OR10J1: variants seen among roughly 807,000 people sequenced by gnomAD.
OR10J1 encodes the protein olfactory receptor 10J1.
For synonymous variants in OR10J1, 202 were observed against 143.8 expected, an observed-to-expected ratio of 1.40 and a Z score of -2.89; for missense variants, 474 against 376.6, an observed-to-expected ratio of 1.26 and a Z score of -2.14.
chr1:159,421,353 TC>T, the OR10J1 span, among the ~76,000 whole-genome samples: 3 of 152,202 alleles, frequency 2.0e-5, no homozygotes, highest in African/African-American at 7.2e-5. Context: ...TCACTGAGAT[TC>T]TTGAGTATCA....
the OR10J1 span, chr1:159,406,052 C>A: frequency 2.4e-6 from 1 of 423,202 alleles, no homozygotes; most frequent in South Asian, 2.1e-5. Context: ...TGCCAAAAGT[C>A]ACATAGAAGA....
chr1:159,421,469 T>C, the OR10J1 span, among the ~76,000 whole-genome samples: 2 of 152,224 alleles, frequency 1.3e-5, no homozygotes, highest in South Asian at 4.1e-4. Flanking sequence ...AATTTCATGT[T>C]TCCTGTGTTC....
chr1:159,420,350 C>A, the OR10J1 span, among the ~76,000 whole-genome samples: 2 of 152,076 alleles, frequency 1.3e-5, no homozygotes, highest in East Asian at 3.9e-4. Flanking sequence ...AGGGCATATT[C>A]CTGTAATTTT....
At chr1:159,416,959 G>A in the OR10J1 span, among the ~76,000 whole-genome samples, 4 of 151,564 alleles carry the variant, frequency 2.6e-5, no homozygotes, top group Non-Finnish European at 4.4e-5. Flanking sequence ...ATTTATTTGG[G>A]TCTTCTCTCT....
chr1:159,399,196 T>A, the OR10J1 span, among the ~76,000 whole-genome samples: 8 of 151,534 alleles, frequency 5.3e-5, no homozygotes, highest in African/African-American at 1.9e-4. Flanking sequence ...CCAGCAAAAA[T>A]ATCCTTGAAA....
chr1:159,425,470 T>C, the OR10J1 span, among the ~76,000 whole-genome samples: 1 of 152,122 alleles, frequency 6.6e-6, no homozygotes, highest in Admixed American at 6.5e-5. Flanking sequence ...GATTATCTCA[T>C]GTATTTGACT....
chr1:159,399,375 T>C, the OR10J1 span, among the ~76,000 whole-genome samples: 6 of 151,862 alleles, frequency 4.0e-5, no homozygotes, highest in African/African-American at 1.4e-4. Context: ...ATTGAGACCA[T>C]CCTGGCTAAC....
the OR10J1 span, among the ~76,000 whole-genome samples, chr1:159,399,512 A>C: frequency 7.0e-6 from 1 of 143,320 alleles, no homozygotes; most frequent in Non-Finnish European, 1.5e-5. Context: ...TGGAGCTTGC[A>C]GTGAGCAGAG....
the OR10J1 span, among the ~76,000 whole-genome samples, chr1:159,427,197 G>A: frequency 3.3e-5 from 5 of 151,546 alleles, no homozygotes; most frequent in African/African-American, 1.2e-4. Context: ...TACATCCAAA[G>A]CAGTTCTCAG....
the OR10J1 span, among the ~76,000 whole-genome samples, chr1:159,402,584 A>T: frequency 7.9e-5 from 12 of 152,128 alleles, no homozygotes; most frequent in Non-Finnish European, 1.8e-4. Flanking sequence ...AATGAAAACT[A>T]TAAAACACTC....
At chr1:159,420,665 G>C in the OR10J1 span, among the ~76,000 whole-genome samples, 1 of 151,408 alleles carries the variant, frequency 6.6e-6, no homozygotes, top group Non-Finnish European at 1.5e-5. Flanking sequence ...GGATAACTTT[G>C]TTAGGCATAA....
the OR10J1 span, among the ~76,000 whole-genome samples, chr1:159,409,142 C>T: frequency 6.6e-6 from 1 of 152,080 alleles, no homozygotes; most frequent in African/African-American, 2.4e-5. Context: ...CCCTTCTCTG[C>T]TTCTTTTACT....
the OR10J1 span, among the ~76,000 whole-genome samples, chr1:159,407,627 A>G: frequency 6.6e-6 from 1 of 152,158 alleles, no homozygotes; most frequent in Non-Finnish European, 1.5e-5. Context: ...GAAACTGTGC[A>G]TGAATACAAT....
the OR10J1 span, among the ~76,000 whole-genome samples, chr1:159,431,652 C>T: frequency 6.3e-4 from 96 of 152,228 alleles, no homozygotes; most frequent in African/African-American, 1.4e-3. Flanking sequence ...TATAATAGTG[C>T]GAGAGTGATA....
At chr1:159,435,001 T>A (rs183020748), upstream of OR10J1, among the ~76,000 whole-genome samples, 2 of 152,286 alleles carry the variant, frequency 1.3e-5, no homozygotes, top group East Asian at 3.9e-4. Context: ...TCTCTTATAG[T>A]CCCTGATCCT....
chr1:159,440,792 A>C lies in OR10J1; in HGVS notation c.*71A>C. The C allele has an allele frequency of 6.7e-7, 1 of 1,502,562 alleles. No individual in the cohort carries two copies. The highest frequency in any genetic ancestry group is 1.3e-5 in the South Asian group (1 of 76,002). The allele number at this position is 1,502,562 out of a possible 1,614,324, so 93.1% of individuals were successfully genotyped here. On this transcript the variant is annotated 3_prime_UTR_variant, in exon 1 of 1. Coordinates refer to ENST00000423932, the MANE Select transcript of OR10J1 (RefSeq NM_012351.3). ...CAGGAATATGAGGTGTAAACTCACA[A>C]ACACTTGGCTCCTAGAGACCTGCCC...
At position 159,440,550 on chromosome 1, in the gene OR10J1, T is replaced by A. The variant is rs12409540; in HGVS notation, c.759T>A (p.Cys253Ter). ...CTGTGGTCATTGTCCACTACAGCTG[T>A]GCCTCCATTGCCTACCTCAAGCCCA... ...HLTVVIVHYS[C>*]ASIAYLKPKS... is the part of the protein sequence containing the mutation. Residue 253 changes from cysteine to a stop codon, truncating the protein, a stop_gained, in exon 1 of 1, where the codon TGT becomes TGA. Transcript: ENST00000423932. LOFTEE classifies it low-confidence loss of function (END_TRUNC). 211,473 of 1,613,818 alleles carry A rather than the reference T, an allele frequency of 0.13. 14,801 individuals carry two copies. The highest frequency in any genetic ancestry group is 0.16 in the Admixed American group (9,323 of 59,972).
chr1:159,431,498 C>A, the OR10J1 span, among the ~76,000 whole-genome samples: 1 of 152,172 alleles, frequency 6.6e-6, no homozygotes. Flanking sequence ...TGGCCTTTGA[C>A]GAGCAATGTG....
upstream of OR10J1, among the ~76,000 whole-genome samples, chr1:159,434,348 T>G (rs1379878168): frequency 6.6e-6 from 1 of 152,208 alleles, no homozygotes; most frequent in Non-Finnish European, 1.5e-5. Flanking sequence ...ATTGTGGATT[T>G]ACACATATCT....
Sources: allele counts gnomAD v4.1 joint callset (sites outside exome capture counted in the v4.1 genomes callset), GRCh38; gene constraint gnomAD v4.1.1; transcripts MANE v1.5; gene names NCBI Gene and HGNC (gene_info 2026-07-23, HGNC 2026-07-21).